The following BCAS3 variants were observed in gnomAD, a reference collection of about 807,000 sequenced individuals.
The protein encoded by BCAS3 is BCAS3 microtubule associated cell migration factor.
Under a neutral mutation model 116.1 loss-of-function variants are expected in BCAS3, and 53 were observed. The observed-to-expected ratio is 0.46, with a 90% confidence interval of 0.37 to 0.57. The LOEUF (loss-of-function observed/expected upper bound fraction) is 0.57. Ranked by LOEUF, BCAS3 falls within the 20% of genes least tolerant of loss-of-function variation. BCAS3 has a pLI of 0.00. For synonymous variants in BCAS3, 391 were observed against 408.2 expected (o/e 0.96, Z 0.51); for missense variants, 917 against 1,165.4 (o/e 0.79, Z 3.10).
chr17:61,093,144 G>A (rs2073734987), intron 22 of BCAS3, among the ~76,000 whole-genome samples: 1 of 152,016 alleles, frequency 6.6e-6, no homozygotes, highest in Non-Finnish European at 1.5e-5. Flanking sequence ...CTGACCTCAG[G>A]TGATCTGCCT....
chr17:61,363,044 T>C lies in BCAS3; in HGVS notation c.2426-5283T>C, dbSNP rs2058537123. On this transcript the variant is annotated intron_variant, in intron 22 of 23. Transcript: ENST00000407086. This position sits in a 1 kb window ranked among gnomAD's most constrained non-coding sequence, Gnocchi z 4.9. ...AGCATGATGTACAAAGTTCGGTGCC[T>C]ATTTTCATTATGGAGGAATTCATGC... Among the ~76,000 whole-genome samples, 1 of 152,202 alleles carries C rather than the reference T, an allele frequency of 6.6e-6. No individual in the cohort carries two copies. The highest frequency in any genetic ancestry group is 1.5e-5 in the Non-Finnish European group (1 of 68,022).
In BCAS3 at chr17:61,327,888, G is replaced by C. The variant is rs2055870300; in HGVS notation, c.2426-40439G>C. The stretch of plus-strand genomic sequence containing the variant: ...TAGGTGTGACTTTAAGGTTTGCAAT[G>C]GTTGATCAGACACTGTTGGTGTAAA... On this transcript the variant is annotated intron_variant, in intron 22 of 23. Transcript: ENST00000407086. The surrounding 1 kb of genome is among the most constrained non-coding windows in gnomAD (Gnocchi z 5.9). 6.6e-6 allele frequency among the ~76,000 whole-genome samples: 1 copy of C among 152,182 alleles called. No individual in the cohort carries two copies.
intron 14 of BCAS3, among the ~76,000 whole-genome samples, chr17:60,970,507 C>T (rs2061901038): frequency 6.6e-6 from 1 of 151,934 alleles, no homozygotes; most frequent in South Asian, 2.1e-4. Context: ...GATACATCAT[C>T]CAAATAAGAA....
chr17:61,178,479 A>G (rs2079277191), intron 22 of BCAS3, among the ~76,000 whole-genome samples: 1 of 152,110 alleles, frequency 6.6e-6, no homozygotes, highest in Non-Finnish European at 1.5e-5. Context: ...GATTGTTGTT[A>G]TGAATATAGA....
In BCAS3 at chr17:61,035,077, T is replaced by C. The variant is rs534011156; in HGVS notation, c.1762+287T>C. 8.5e-5 allele frequency among the ~76,000 whole-genome samples: 13 copies of C among 152,308 alleles called. No homozygotes were observed. The South Asian group carries it at 1.7e-3, about 19-fold the overall frequency. ...CAATTCTATACCCATTTTATACCTT[T>C]TACATTTTTACAAGCTAGTTTCACC... On this transcript the variant is annotated intron_variant, in intron 17 of 23. Transcript: ENST00000407086.
Position 61,189,047 on chromosome 17 carries a change from G to C in BCAS3, c.2425+104483G>C, listed in dbSNP as rs577722178. On this transcript the variant is annotated intron_variant, in intron 22 of 23. Coordinates refer to ENST00000407086, the MANE Select transcript of BCAS3 (RefSeq NM_017679.5). This position sits in a 1 kb window ranked among gnomAD's most constrained non-coding sequence, Gnocchi z 4.5. The stretch of plus-strand genomic sequence containing the variant: ...GAGGCCGGGAGATTGAGGCTGCAGT[G>C]AGCTGCTATTATGCCCCTACACTCC... 2.0e-5 allele frequency among the ~76,000 whole-genome samples: 3 copies of C among 152,012 alleles called. No homozygotes were observed. Among genetic ancestry groups the C allele is most frequent in the Non-Finnish European group, 4.4e-5 (3 of 67,990 alleles).
At position 61,213,896 on chromosome 17, in the gene BCAS3, G is replaced by A. The variant is rs182101593; in HGVS notation, c.2425+129332G>A. Among the ~76,000 whole-genome samples, 34 of 152,234 alleles carry A rather than the reference G, an allele frequency of 2.2e-4. No homozygotes were observed. Among genetic ancestry groups the A allele is most frequent in the Admixed American group, 7.2e-4 (11 of 15,284 alleles). On this transcript the variant is annotated intron_variant, in intron 22 of 23. Transcript: ENST00000407086. This position sits in a 1 kb window ranked among gnomAD's most constrained non-coding sequence, Gnocchi z 5.4. ...TCTGCCCTTTTGTATTTGTCCCAGG[G>A]TAGCAGAGAAGAGACTATAGAAATG...
intron 6 of BCAS3, among the ~76,000 whole-genome samples, chr17:60,762,682 G>T (rs113739139): frequency 2.8e-4 from 43 of 152,264 alleles, no homozygotes; most frequent in African/African-American, 1.0e-3. Context: ...GGCAATGCGG[G>T]CTCTTTTTTG....
At chr17:60,881,112 C>T (rs2056099005) in intron 9 of BCAS3, among the ~76,000 whole-genome samples, 1 of 152,020 alleles carries the variant, frequency 6.6e-6, no homozygotes, top group Admixed American at 6.6e-5. Flanking sequence ...GTAGCTGGGA[C>T]TACAGGCGCC....
intron 19 of BCAS3, among the ~76,000 whole-genome samples, chr17:61,066,950 C>A (rs1393488119): frequency 6.6e-6 from 1 of 151,772 alleles, no homozygotes; most frequent in Non-Finnish European, 1.5e-5. Flanking sequence ...TTTAATCTTG[C>A]AATTATTATT....
At chr17:61,255,211 A>T (rs2048693353) in intron 22 of BCAS3, among the ~76,000 whole-genome samples, 1 of 152,216 alleles carries the variant, frequency 6.6e-6, no homozygotes, top group South Asian at 2.1e-4. Flanking sequence ...CCGAGAGTTA[A>T]GTTTTCTCTT....
intron 6 of BCAS3, among the ~76,000 whole-genome samples, chr17:60,793,551 C>T (rs189418983): frequency 2.0e-5 from 3 of 152,054 alleles, no homozygotes; most frequent in South Asian, 2.1e-4. Context: ...ATCCATCGCC[C>T]CCATCTCACT....
In BCAS3 at chr17:61,220,023, C is replaced by T. The variant is rs1254994831; in HGVS notation, c.2425+135459C>T. On this transcript the variant is annotated intron_variant, in intron 22 of 23. Coordinates refer to ENST00000407086, the MANE Select transcript of BCAS3 (RefSeq NM_017679.5). The surrounding 1 kb of genome is among the most constrained non-coding windows in gnomAD (Gnocchi z 4.5). ...TAAAACTAAAGTTTTCGGCCGGGCG[C>T]GGTGGCTCACGCCTGTAATCCCAGC... Among the ~76,000 whole-genome samples, 1 of 152,076 alleles carries T rather than the reference C, an allele frequency of 6.6e-6. No individual in the cohort carries two copies. Among genetic ancestry groups the T allele is most frequent in the Non-Finnish European group, 1.5e-5 (1 of 68,028 alleles).
chr17:61,076,363 G>C (rs2071987388), intron 20 of BCAS3, among the ~76,000 whole-genome samples: 1 of 152,094 alleles, frequency 6.6e-6, no homozygotes, highest in Non-Finnish European at 1.5e-5. Flanking sequence ...CAAAAGTAAA[G>C]TAAACTGGAA....
In BCAS3 at chr17:61,356,702, C is replaced by A. The variant is rs2058156358; in HGVS notation, c.2426-11625C>A. On this transcript the variant is annotated intron_variant, in intron 22 of 23. Coordinates refer to ENST00000407086, the MANE Select transcript of BCAS3 (RefSeq NM_017679.5). This position sits in a 1 kb window ranked among gnomAD's most constrained non-coding sequence, Gnocchi z 5.4. ...AGGTAAAGGGACTTGATTTTAAAAT[C>A]AACTCCTTCCAGAGTTGTTCTTCTA... The A allele has an allele frequency of 6.6e-6, 1 of 152,234 alleles. No homozygotes were observed. The highest frequency in any genetic ancestry group is 1.5e-5 in the Non-Finnish European group (1 of 68,050). The allele number at this position is 152,234 out of a possible 1,614,324, so 9.4% of individuals were successfully genotyped here.
At chr17:60,927,325 A>G (rs1026541982) in intron 13 of BCAS3, among the ~76,000 whole-genome samples, 3 of 150,988 alleles carry the variant, frequency 2.0e-5, no homozygotes, top group Admixed American at 6.6e-5. Flanking sequence ...GCACGATCTC[A>G]GCTCACTGCA....
In BCAS3 at chr17:61,368,811, C is replaced by G. The variant is rs1026921538; in HGVS notation, c.2593+317C>G. 6.6e-6 allele frequency among the ~76,000 whole-genome samples: 1 copy of G among 152,254 alleles called. No individual in the cohort carries two copies. The highest frequency in any genetic ancestry group is 1.5e-5 in the Non-Finnish European group (1 of 68,048). ...CACGTCTTCCAGCAGCGCTCAGGCACTGAGTCCTCAGGTTGTACCTCTTCA... is the reference window on the plus strand; with the variant it reads ...CACGTCTTCCAGCAGCGCTCAGGCAGTGAGTCCTCAGGTTGTACCTCTTCA... On this transcript the variant is annotated intron_variant, in intron 23 of 23. Coordinates refer to ENST00000407086, the MANE Select transcript of BCAS3 (RefSeq NM_017679.5). The surrounding 1 kb of genome is among the most constrained non-coding windows in gnomAD (Gnocchi z 6.0).
At chr17:60,801,908 A>G (rs2047821345) in intron 6 of BCAS3, among the ~76,000 whole-genome samples, 6 of 151,932 alleles carry the variant, frequency 3.9e-5, no homozygotes, top group Admixed American at 3.9e-4. Flanking sequence ...GACTGTTTGG[A>G]CTGTCTGAGC....
intron 7 of BCAS3, among the ~76,000 whole-genome samples, chr17:60,855,033 T>C (rs1156696003): frequency 7.6e-6 from 1 of 131,734 alleles, no homozygotes; most frequent in Non-Finnish European, 1.6e-5. Context: ...CACTGCAACC[T>C]CTGCCTCCCA....
Sources: allele counts gnomAD v4.1 joint callset (sites outside exome capture counted in the v4.1 genomes callset), GRCh38; gene constraint gnomAD v4.1.1; non-coding constraint Gnocchi (gnomAD v3.1); transcripts MANE v1.5; gene names NCBI Gene and HGNC (gene_info 2026-07-23, HGNC 2026-07-21).